The following RCC1L variants were observed in gnomAD, a reference collection of about 807,000 sequenced individuals.
RCC1L encodes the protein RCC1 like.
Under a neutral mutation model 58.6 loss-of-function variants are expected in RCC1L, and 46 were observed. The ratio of observed to expected loss-of-function variants is 0.79; its 90% CI spans 0.62 to 1.00. RCC1L has a LOEUF of 1.00. RCC1L is among the 50% of genes least tolerant of loss of function. RCC1L has a pLI of 0.00. For synonymous variants in RCC1L, 281 were observed against 262.9 expected, an observed-to-expected ratio of 1.07 and a Z score of -0.67; for missense variants, 636 against 623.6, an observed-to-expected ratio of 1.02 and a Z score of -0.21.
rs2131962753 is a variant in RCC1L, at chr7:75,027,857, T to A, written c.*175A>T. 2.7e-6 allele frequency: 2 copies of A among 745,712 alleles called. 1 individual carries two copies. The highest frequency in any genetic ancestry group is 5.4e-5 in the East Asian group (2 of 37,014). The allele number at this position is 745,712 out of a possible 1,614,324, so 46.2% of individuals were successfully genotyped here. A position where few individuals can be genotyped will look rare whatever the true frequency, so the allele number is the denominator to read the frequency against. ...TCTTCGGGGTGGGGTGTGAGTGTGG[T>A]TTTTCCCAGGCAGGGGCCGTCTGCC... is the stretch of plus-strand genomic sequence containing the variant. On this transcript the variant is annotated 3_prime_UTR_variant, in exon 11 of 11. Transcript: ENST00000614461.
intron 10 of RCC1L, among the ~76,000 whole-genome samples, chr7:75,028,493 C>T (rs1805205547): frequency 6.6e-6 from 1 of 152,030 alleles, no homozygotes; most frequent in Non-Finnish European, 1.5e-5. Context: ...TGTCTTGGCC[C>T]CTGTGTGGTT....
At position 75,058,607 on chromosome 7, in the gene RCC1L, G is replaced by A. The variant is rs1806157925; in HGVS notation, c.950C>T (p.Ser317Phe). The A allele has an allele frequency of 6.2e-7, 1 of 1,608,286 alleles. No individual in the cohort carries two copies. Among genetic ancestry groups the A allele is most frequent in the African/African-American group, 1.3e-5 (1 of 74,858 alleles). Residue 317 changes from serine (S) to phenylalanine (F), a missense_variant, in exon 7 of 11, where the codon TCT becomes TTT. Physicochemically the swap from Ser to Phe is radical, Grantham distance 155. Coordinates refer to ENST00000610322, the MANE Select transcript of RCC1L (RefSeq NM_030798.5). ...WGNSEYLQLA[S>F]VTDSTQVNVP... is the part of the protein sequence containing the mutation. ...GCATACCTGTGTGGAGTCAGTGACA[G>A]AGGCCAGCTGCAGGTACTCCGAGTT...
chr7:75,046,959 A>ATT (rs1448160535), intron 10 of RCC1L, among the ~76,000 whole-genome samples: 3 of 145,228 alleles, frequency 2.1e-5, no homozygotes, highest in Non-Finnish European at 4.6e-5. Context: ...CAGCTTTTCT[A>ATT]TTTTTTTTTT....
At chr7:75,046,448 G>A (rs1278759007) in intron 10 of RCC1L, among the ~76,000 whole-genome samples, 1 of 152,160 alleles carries the variant, frequency 6.6e-6, no homozygotes, top group Non-Finnish European at 1.5e-5. Context: ...CGAGGGCTCT[G>A]GCCATTCAAG....
chr7:75,071,515 G>C lies in RCC1L; in HGVS notation c.325-746C>G, dbSNP rs587613039. Among the ~76,000 whole-genome samples, 4 of 152,182 alleles carry C rather than the reference G, an allele frequency of 2.6e-5. No homozygotes were observed. In the South Asian group the frequency reaches 8.3e-4, roughly 32 times the overall value. ...ACAAAAATTAGCTAGGCATGGTGGC[G>C]TGCGCCTGTAATCTCAGCTACTCGG... On this transcript the variant is annotated intron_variant, in intron 1 of 10. Transcript: ENST00000610322.
chr7:75,070,736 G>C lies in RCC1L; in HGVS notation c.358C>G (p.Leu120Val), dbSNP rs1554445958. ...ACATCCGCAGTCTTAGAGGACAGCA[G>C]TGTGAATCCATAGCCGCAAGCAGCA... Reference protein sequence around the residue: ...SSAACGYGFTLLSSKTADVTK... With the variant: ...SSAACGYGFTVLSSKTADVTK... Residue 120 changes from leucine (L) to valine (V), a missense_variant, in exon 2 of 11, where the codon CTG (leucine) becomes GTG (valine). By Grantham distance (32) the Leu-to-Val change is conservative. Coordinates refer to ENST00000610322, the MANE Select transcript of RCC1L (RefSeq NM_030798.5). 1.2e-6 allele frequency: 2 copies of C among 1,614,172 alleles called. No individual in the cohort carries two copies. The highest frequency in any genetic ancestry group is 1.1e-5 in the South Asian group (1 of 91,082).
chr7:75,067,858 A>C (rs1256466922), intron 2 of RCC1L, among the ~76,000 whole-genome samples: 4 of 152,064 alleles, frequency 2.6e-5, no homozygotes, highest in East Asian at 1.9e-4. Context: ...TTACCCCCCC[A>C]AAAAATTAAA....
chr7:75,066,870 C>A, intron 2 of RCC1L, 78 bp from the exon 3 acceptor site: 1 of 1,497,916 alleles, frequency 6.7e-7, no homozygotes, highest in Admixed American at 2.4e-5. Flanking sequence ...CACGCTACTA[C>A]ACTGGAAAAA....
downstream of RCC1L, among the ~76,000 whole-genome samples, chr7:75,041,974 C>A (rs1162876362): frequency 6.6e-6 from 1 of 151,938 alleles, no homozygotes; most frequent in African/African-American, 2.4e-5. Flanking sequence ...TCCTAGCACT[C>A]TGGGAGGCCT....
In RCC1L at chr7:75,053,611, G is replaced by C. The variant is rs894052728; in HGVS notation, c.1232-815C>G. Among the ~76,000 whole-genome samples the C allele has an allele frequency of 3.0e-4, 45 of 152,280 alleles. 1 individual carries two copies. In the East Asian group the frequency reaches 5.8e-3, roughly 20 times the overall value. ...GTTTACAAACTGTAAAAACTGTCAT[G>C]AAGAAAAAGTACAAGATGCTGTTTA... On this transcript the variant is annotated intron_variant, in intron 9 of 10. Coordinates refer to ENST00000610322, the MANE Select transcript of RCC1L (RefSeq NM_030798.5).
At chr7:75,031,880 G>A (rs1805315199) in intron 10 of RCC1L, among the ~76,000 whole-genome samples, 1 of 152,204 alleles carries the variant, frequency 6.6e-6, no homozygotes, top group African/African-American at 2.4e-5. Flanking sequence ...ACTTCTAAGT[G>A]AGGCCTGGCT....
intron 2 of RCC1L, among the ~76,000 whole-genome samples, chr7:75,067,804 C>A (rs587686449): frequency 2.0e-5 from 3 of 151,974 alleles, no homozygotes; most frequent in Non-Finnish European, 4.4e-5. Context: ...GTGATCATGA[C>A]ACTGCACTCC....
At position 75,063,277 on chromosome 7, in the gene RCC1L, G is replaced by A; in HGVS notation, c.702+15C>T. ...CCAGGAACACAACAAGCAGCTCTCG[G>A]CCCATCTCTCTTACCTGGACCACCT... On this transcript the variant is annotated intron_variant, in intron 5 of 10. Transcript: ENST00000610322. 2 of 1,613,738 alleles carry A rather than the reference G, an allele frequency of 1.2e-6. No individual in the cohort carries two copies. Among genetic ancestry groups the A allele is most frequent in the Middle Eastern group, 1.7e-4 (1 of 6,056 alleles).
chr7:75,055,042 AC>A (rs1426158350), intron 9 of RCC1L, among the ~76,000 whole-genome samples: 1 of 152,214 alleles, frequency 6.6e-6, no homozygotes, highest in Non-Finnish European at 1.5e-5. Flanking sequence ...GACAGGCCCC[AC>A]GTGGGAATGA....
chr7:75,071,728 T>C (rs1043191515), intron 1 of RCC1L, among the ~76,000 whole-genome samples: 1 of 152,140 alleles, frequency 6.6e-6, no homozygotes, highest in Non-Finnish European at 1.5e-5. Flanking sequence ...TTTTGAATCC[T>C]GGCCCCATCC....
downstream of RCC1L, among the ~76,000 whole-genome samples, chr7:75,040,477 A>G (rs1461030423): frequency 6.6e-6 from 1 of 152,058 alleles, no homozygotes; most frequent in East Asian, 1.9e-4. Flanking sequence ...CAAACAAAAA[A>G]GATCATTACT....
At position 75,073,452 on chromosome 7, in the gene RCC1L, T is replaced by C. The variant is rs1376398319; in HGVS notation, c.286A>G (p.Ile96Val). 1 of 1,369,972 alleles carries C rather than the reference T, an allele frequency of 7.3e-7. No individual in the cohort carries two copies. Among genetic ancestry groups the C allele is most frequent in the Non-Finnish European group, 9.4e-7 (1 of 1,066,002 alleles). 84.9% of individuals were successfully genotyped at this position (1,369,972 alleles called of 1,614,324 possible). ...PRAGARPRRRIQPVPYRLELD... is the reference protein window; with the variant it reads ...PRAGARPRRRVQPVPYRLELD... ...TCCAGGCGATAGGGCACGGGCTGGA[T>C]CCTGCGGCGCGGTCGGGCGCCGGCG... Residue 96 changes from isoleucine to valine, a missense_variant, in exon 1 of 11, where the codon ATC becomes GTC. By Grantham distance (29) the Ile-to-Val change is conservative. Transcript: ENST00000610322.
chr7:75,052,687 C>G (rs781899287), intron 10 of RCC1L, 24 bp downstream of exon 10: 123 of 1,597,238 alleles, frequency 7.7e-5, no homozygotes, highest in Non-Finnish European at 1.0e-4. Flanking sequence ...CATCCATTCT[C>G]AAGACCTCCC....
intron 10 of RCC1L, among the ~76,000 whole-genome samples, chr7:75,051,595 T>C (rs1805918172): frequency 6.6e-6 from 1 of 152,082 alleles, no homozygotes; most frequent in African/African-American, 2.4e-5. Flanking sequence ...GTATTTTTAA[T>C]AGACATGGGG....
Sources: allele counts gnomAD v4.1 joint callset (sites outside exome capture counted in the v4.1 genomes callset), GRCh38; gene constraint gnomAD v4.1.1; transcripts MANE v1.5; gene names NCBI Gene and HGNC (gene_info 2026-07-23, HGNC 2026-07-21).